EFR3B: variants seen among roughly 807,000 people sequenced by gnomAD.
EFR3B encodes the protein protein EFR3 homolog B.
EFR3B carries 64 observed loss-of-function variants against 104.7 expected under a neutral mutation model. The observed-to-expected ratio is 0.61, with a 90% CI of 0.50 to 0.75. The LOEUF is 0.75. EFR3B is among the 30% of genes least tolerant of loss of function. The probability of loss-of-function intolerance (pLI) is 0.00; values close to 1 mark genes in which losing one functional copy is unlikely to be tolerated. For synonymous variants in EFR3B, 385 were observed against 417.9 expected, an observed-to-expected ratio of 0.92 and a Z score of 0.96; for missense variants, 750 against 1,078.5, an observed-to-expected ratio of 0.70 and a Z score of 4.27.
intron 3 of EFR3B, among the ~76,000 whole-genome samples, chr2:25,094,295 A>AAG (rs1553390759): frequency 6.6e-6 from 1 of 151,352 alleles, no homozygotes; most frequent in Non-Finnish European, 1.5e-5. Context: ...AAAAAAAAAA[A>AAG]AAAAAAGAAA....
At chr2:25,097,308 C>T (rs56205984) in intron 3 of EFR3B, among the ~76,000 whole-genome samples, 1 of 152,190 alleles carries the variant, frequency 6.6e-6, no homozygotes, top group Non-Finnish European at 1.5e-5. Flanking sequence ...TAGATTTGAT[C>T]TCTTATTCTC....
At chr2:25,127,074 C>A (rs547892177) in intron 5 of EFR3B, among the ~76,000 whole-genome samples, 17 of 151,510 alleles carry the variant, frequency 1.1e-4, no homozygotes, top group African/African-American at 3.6e-4. Context: ...TGCCTGTAAT[C>A]CCAGCTACTC....
chr2:25,077,198 T>A (rs946865026), intron 1 of EFR3B, among the ~76,000 whole-genome samples: 1 of 151,996 alleles, frequency 6.6e-6, no homozygotes, highest in Non-Finnish European at 1.5e-5. Flanking sequence ...TCACTCAGAA[T>A]AATGAAAAAC....
intron 5 of EFR3B, among the ~76,000 whole-genome samples, chr2:25,122,430 A>T (rs531215706): frequency 2.6e-4 from 40 of 152,188 alleles, no homozygotes; most frequent in South Asian, 6.2e-4. Flanking sequence ...ATGCATTTAT[A>T]CTCCAGAAAC....
In EFR3B at chr2:25,131,583, AG is replaced by A; in HGVS notation, c.985+83del. 6.6e-7 allele frequency: 1 copy of A among 1,525,688 alleles called. No individual in the cohort carries two copies. Among genetic ancestry groups the A allele is most frequent in the Non-Finnish European group, 8.8e-7 (1 of 1,131,616 alleles). 94.5% of individuals were successfully genotyped at this position (1,525,688 alleles called of 1,614,324 possible). On this transcript the variant is annotated intron_variant, in intron 9 of 22. Coordinates refer to ENST00000403714, the MANE Select transcript of EFR3B (RefSeq NM_014971.2). The surrounding 1 kb of genome is among the most constrained non-coding windows in gnomAD (Gnocchi z 7.6). ...CTTACAGAGAGAGGCAAGGGACAAC[AG>A]GGAGGGGTCGGAGTCCGTTTTCCTC...
At chr2:25,125,747 G>C (rs962667850) in intron 5 of EFR3B, among the ~76,000 whole-genome samples, 1 of 152,174 alleles carries the variant, frequency 6.6e-6, no homozygotes, top group Non-Finnish European at 1.5e-5. Context: ...AGCAGATCGA[G>C]ACCATCCTGG....
chr2:25,084,746 A>C (rs1668903710), intron 1 of EFR3B, among the ~76,000 whole-genome samples: 1 of 152,222 alleles, frequency 6.6e-6, no homozygotes, highest in African/African-American at 2.4e-5. Flanking sequence ...CGAAGGCGGA[A>C]CGACTCAAAG....
At position 25,045,142 on chromosome 2, in the gene EFR3B, C is replaced by G. The variant is rs1000305167; in HGVS notation, c.7+2823C>G. On this transcript the variant is annotated intron_variant, in intron 1 of 22. Coordinates refer to ENST00000403714, the MANE Select transcript of EFR3B (RefSeq NM_014971.2). ...CTTTGGGCCCCCTTGGACCTGTTCC[C>G]TCCTTTCCTCTCTGCCAACTCGGGC... Among the ~76,000 whole-genome samples the G allele has an allele frequency of 2.0e-4, 30 of 152,302 alleles. No homozygotes were observed. In the South Asian group the frequency reaches 2.5e-3, roughly 13 times the overall value.
At position 25,042,770 on chromosome 2, in the gene EFR3B, G is replaced by A; in HGVS notation, c.7+451G>A. The A allele has an allele frequency of 3.4e-6, 3 of 878,178 alleles. 1 individual carries two copies. The South Asian group carries it at 1.6e-4, about 46-fold the overall frequency. 54.4% of individuals were successfully genotyped at this position (878,178 alleles called of 1,614,324 possible). On this transcript the variant is annotated intron_variant, in intron 1 of 22. Transcript: ENST00000403714. This position sits in a 1 kb window ranked among gnomAD's most constrained non-coding sequence, Gnocchi z 5.4. ...GGAGAAGGCGGGAGGCGGCGCCGGCGGCGCAGAGGCCCGGGGAGCAGCCAG... is the reference window on the plus strand; with the variant it reads ...GGAGAAGGCGGGAGGCGGCGCCGGCAGCGCAGAGGCCCGGGGAGCAGCCAG...
rs1429439895 is a variant in EFR3B at position 25,130,792 on chromosome 2, A to G, written c.849+162A>G. ...GCTAGCTGTGGAGAAGGGCCGGCTG[A>G]TTTTATTTCCAGTACATCACAGACC... On this transcript the variant is annotated intron_variant, in intron 8 of 22. Coordinates refer to ENST00000403714, the MANE Select transcript of EFR3B (RefSeq NM_014971.2). The surrounding 1 kb of genome is among the most constrained non-coding windows in gnomAD (Gnocchi z 4.6). 1.3e-5 allele frequency among the ~76,000 whole-genome samples: 2 copies of G among 152,240 alleles called. No homozygotes were observed. The highest frequency in any genetic ancestry group is 2.9e-5 in the Non-Finnish European group (2 of 68,028).
At chr2:25,128,759 C>G (rs1356040895) in intron 6 of EFR3B, among the ~76,000 whole-genome samples, 1 of 151,472 alleles carries the variant, frequency 6.6e-6, no homozygotes, top group Non-Finnish European at 1.5e-5. Flanking sequence ...GAGATCGAGA[C>G]CATCCTGGCT....
In EFR3B at chr2:25,042,115, C is replaced by T; in HGVS notation, c.-198C>T. 5.4e-6 allele frequency: 2 copies of T among 371,908 alleles called. No individual in the cohort carries two copies. The highest frequency in any genetic ancestry group is 4.8e-5 in the East Asian group (1 of 20,906). 23.0% of individuals were successfully genotyped at this position (371,908 alleles called of 1,614,324 possible). On this transcript the variant is annotated 5_prime_UTR_variant, in exon 1 of 23. Transcript: ENST00000403714. This position sits in a 1 kb window ranked among gnomAD's most constrained non-coding sequence, Gnocchi z 5.4. ...ACCCGAGCGGAGGCGGCCGCTGCAG[C>T]CCGGCGCTGAATGGGCTGGCGGCGC...
intron 2 of EFR3B, among the ~76,000 whole-genome samples, chr2:25,091,934 G>A (rs927034999): frequency 6.6e-6 from 1 of 152,142 alleles, no homozygotes; most frequent in African/African-American, 2.4e-5. Flanking sequence ...ATTGGGATCT[G>A]ATGTACTTGA....
chr2:25,074,151 G>T (rs1668570555), intron 1 of EFR3B, among the ~76,000 whole-genome samples: 1 of 151,772 alleles, frequency 6.6e-6, no homozygotes, highest in Non-Finnish European at 1.5e-5. Context: ...GTGTGGGGCT[G>T]GTTGGTCGCT....
At chr2:25,069,401 A>G (rs1449181662) in intron 1 of EFR3B, among the ~76,000 whole-genome samples, 1 of 152,158 alleles carries the variant, frequency 6.6e-6, no homozygotes, top group Non-Finnish European at 1.5e-5. Context: ...ATTCCATACT[A>G]ATGTAGGCTA....
intron 1 of EFR3B, among the ~76,000 whole-genome samples, chr2:25,072,980 T>G (rs1324521105): frequency 6.6e-6 from 1 of 152,240 alleles, no homozygotes; most frequent in Admixed American, 6.5e-5. Flanking sequence ...GCACACTCTT[T>G]CCAGCATTGT....
intron 3 of EFR3B, among the ~76,000 whole-genome samples, chr2:25,098,344 G>A (rs536336079): frequency 2.6e-5 from 4 of 152,210 alleles, no homozygotes; most frequent in Middle Eastern, 3.4e-3. Flanking sequence ...CCCTGACCCT[G>A]TATCTGCCTT....
At chr2:25,111,792 A>G (rs1256884579) in intron 4 of EFR3B, among the ~76,000 whole-genome samples, 1 of 152,238 alleles carries the variant, frequency 6.6e-6, no homozygotes, top group Non-Finnish European at 1.5e-5. Flanking sequence ...CTTTGAAGAT[A>G]GAGAAGGGGG....
At chr2:25,054,238 G>A (rs545716297) in intron 1 of EFR3B, among the ~76,000 whole-genome samples, 6 of 152,318 alleles carry the variant, frequency 3.9e-5, no homozygotes, top group South Asian at 2.1e-4. Flanking sequence ...TATGAGGGGG[G>A]TCAAATGAGA....
Sources: allele counts gnomAD v4.1 joint callset (sites outside exome capture counted in the v4.1 genomes callset), GRCh38; gene constraint gnomAD v4.1.1; non-coding constraint Gnocchi (gnomAD v3.1); transcripts MANE v1.5; gene names NCBI Gene and HGNC (gene_info 2026-07-23, HGNC 2026-07-21).